The following FGF20 variants were observed in gnomAD, a reference collection of about 807,000 sequenced individuals.
FGF20 encodes fibroblast growth factor 20.
A neutral mutation model predicts 16.7 loss-of-function variants in FGF20; 8 were observed. That is an observed-to-expected ratio of 0.48 (90% CI 0.28 to 0.87). The LOEUF (loss-of-function observed/expected upper bound fraction) is 0.87, where lower values mean the gene tolerates loss of function less well. FGF20 is among the 40% of genes least tolerant of loss of function. The pLI is 0.10. For missense variants in FGF20, 397 were observed against 281.4 expected (o/e 1.41, Z -2.94); for synonymous variants, 161 against 118.6 (o/e 1.36, Z -2.32).
In FGF20 at chr8:17,001,879, G is replaced by T; in HGVS notation, c.154C>A (p.Pro52Thr). Residue 52 changes from proline to threonine, a missense_variant, in exon 1 of 3, where the codon CCG becomes ACG. Pro to Thr is a conservative substitution (Grantham distance 38, BLOSUM62 -1). Transcript: ENST00000180166. ...SAAERSARGG[P>T]GAAQLAHLHG... is the part of the protein sequence containing the mutation. ...AGGTGCGCCAGCTGCGCAGCCCCCG[G>T]CCCGCCGCGCGCGCTCCGCTCCGCC... is the stretch of plus-strand genomic sequence containing the variant. 1 of 1,435,616 alleles carries T rather than the reference G, an allele frequency of 7.0e-7. No individual in the cohort carries two copies. Among genetic ancestry groups the T allele is most frequent in the Non-Finnish European group, 9.1e-7 (1 of 1,099,754 alleles). The allele number at this position is 1,435,616 out of a possible 1,614,324, so 88.9% of individuals were successfully genotyped here. A position where few individuals can be genotyped will look rare whatever the true frequency, so the allele number is the denominator to read the frequency against.
chr8:16,995,894 T>C (rs76678463), intron 1 of FGF20, 136 bp from the exon 2 acceptor site: 12 of 521,532 alleles, frequency 2.3e-5, no homozygotes, highest in African/African-American at 2.1e-4. Context: ...AAAAGTCCTT[T>C]GTACACTGGA....
intron 1 of FGF20, among the ~76,000 whole-genome samples, chr8:16,998,901 T>C (rs1472848436): frequency 1.3e-5 from 2 of 151,982 alleles, no homozygotes; most frequent in Admixed American, 1.3e-4. Flanking sequence ...AAAAAAAAGT[T>C]ATTTCCTTTA....
intron 2 of FGF20, among the ~76,000 whole-genome samples, chr8:16,993,824 C>G (rs1395750663): frequency 6.6e-6 from 1 of 152,188 alleles, no homozygotes; most frequent in African/African-American, 2.4e-5. Context: ...ACCCAGATCC[C>G]TCGCATGCAC....
intron 1 of FGF20, among the ~76,000 whole-genome samples, chr8:16,997,584 A>G (rs1313923920): frequency 1.3e-5 from 2 of 152,220 alleles, no homozygotes; most frequent in Non-Finnish European, 2.9e-5. Flanking sequence ...GAGATCATGT[A>G]GAACACTAGA....
chr8:16,993,388 T>A, intron 2 of FGF20, 71 bp from the exon 3 acceptor site: 1 of 1,403,920 alleles, frequency 7.1e-7, no homozygotes, highest in Non-Finnish European at 9.6e-7. Flanking sequence ...AAGTTTCAAC[T>A]CTATATTTTC....
chr8:17,000,818 C>T (rs1341796434), intron 1 of FGF20, among the ~76,000 whole-genome samples: 1 of 151,974 alleles, frequency 6.6e-6, no homozygotes, highest in Non-Finnish European at 1.5e-5. Flanking sequence ...ACTGCCTTAA[C>T]AATCATTCTC....
intron 1 of FGF20, among the ~76,000 whole-genome samples, chr8:16,999,597 A>C (rs939596880): frequency 7.3e-6 from 1 of 136,450 alleles, no homozygotes; most frequent in South Asian, 2.3e-4. Flanking sequence ...ATCTTGGCTC[A>C]CTGCAACCTG....
rs1809947617 is a variant in FGF20, at chr8:16,992,904, CA to C, written c.*167del. 1 of 737,224 alleles carries C rather than the reference CA, an allele frequency of 1.4e-6. No individual in the cohort carries two copies. The highest frequency in any genetic ancestry group is 2.2e-6 in the Non-Finnish European group (1 of 463,690). The allele number at this position is 737,224 out of a possible 1,614,324, so 45.7% of individuals were successfully genotyped here. A position where few individuals can be genotyped will look rare whatever the true frequency, so the allele number is the denominator to read the frequency against. On this transcript the variant is annotated 3_prime_UTR_variant, in exon 3 of 3. Transcript: ENST00000180166. ...AGAGTGATCATGATCTATTTCTAGT[CA>C]AAATTTTTTTTGGTTTTTTTTCTCA...
At chr8:16,997,059 A>G (rs1810069577) in intron 1 of FGF20, among the ~76,000 whole-genome samples, 1 of 152,222 alleles carries the variant, frequency 6.6e-6, no homozygotes, top group Non-Finnish European at 1.5e-5. Flanking sequence ...TTAGCATGCA[A>G]GTAGATTTAC....
intron 1 of FGF20, among the ~76,000 whole-genome samples, chr8:16,998,899 G>C (rs963602920): frequency 8.8e-5 from 13 of 147,326 alleles, no homozygotes; most frequent in African/African-American, 3.2e-4. Flanking sequence ...AAAAAAAAAA[G>C]TTATTTCCTT....
chr8:16,993,830 T>C (rs1362006620), intron 2 of FGF20, among the ~76,000 whole-genome samples: 1 of 152,184 alleles, frequency 6.6e-6, no homozygotes, highest in Non-Finnish European at 1.5e-5. Context: ...ATCCCTCGCA[T>C]GCACAGTTCA....
At chr8:16,993,395 T>C (rs1268896206) in intron 2 of FGF20, 78 bp from the exon 3 acceptor site, 12 of 1,362,124 alleles carry the variant, frequency 8.8e-6, no homozygotes, top group Non-Finnish European at 1.2e-5. Context: ...AACTCTATAT[T>C]TTCATTTCTT....
intron 1 of FGF20, among the ~76,000 whole-genome samples, chr8:17,000,788 G>T (rs1420106062): frequency 6.6e-6 from 1 of 151,818 alleles, no homozygotes; most frequent in East Asian, 1.9e-4. Flanking sequence ...AGACCCTCCC[G>T]ATCTAGTATC....
intron 1 of FGF20, among the ~76,000 whole-genome samples, chr8:16,997,862 T>C (rs1174162306): frequency 6.6e-6 from 1 of 152,194 alleles, no homozygotes; most frequent in Non-Finnish European, 1.5e-5. Flanking sequence ...TAATGTAACT[T>C]CATTCAGGCT....
Position 17,001,790 on chromosome 8 carries a change from G to T in FGF20, c.243C>A (p.Pro81=). 1.3e-6 allele frequency: 2 copies of T among 1,571,212 alleles called. No individual in the cohort carries two copies. Among genetic ancestry groups the T allele is most frequent in the East Asian group, 2.5e-5 (1 of 39,394 alleles). The change falls in exon 1 of 3, where the codon CCC becomes CCA. Residue 81 remains proline, a synonymous_variant. Coordinates refer to ENST00000180166, the MANE Select transcript of FGF20 (RefSeq NM_019851.3). ...GCCGGGTGCCCTGCACGCTGCCGTC[G>T]GGCAGGATCTGCAGGTGGAAGCCGG... ...CRTGFHLQIL[P]DGSVQGTRQD...
intron 1 of FGF20, among the ~76,000 whole-genome samples, chr8:16,999,158 G>A (rs1237052662): frequency 6.6e-6 from 1 of 152,112 alleles, no homozygotes; most frequent in Non-Finnish European, 1.5e-5. Flanking sequence ...TCACAAGGCG[G>A]CCATTCACTC....
chr8:16,997,619 A>G (rs1396567442), intron 1 of FGF20, among the ~76,000 whole-genome samples: 1 of 152,216 alleles, frequency 6.6e-6, no homozygotes, highest in African/African-American at 2.4e-5. Context: ...TACAGCAACA[A>G]TACACTGCTA....
intron 1 of FGF20, among the ~76,000 whole-genome samples, chr8:16,996,323 G>T (rs985235492): frequency 6.6e-6 from 1 of 152,112 alleles, no homozygotes; most frequent in Non-Finnish European, 1.5e-5. Flanking sequence ...TAATGTGAAA[G>T]GTGTGAAACC....
intron 1 of FGF20, among the ~76,000 whole-genome samples, chr8:16,997,479 T>C (rs1387354724): frequency 6.6e-6 from 1 of 152,242 alleles, no homozygotes; most frequent in Non-Finnish European, 1.5e-5. Flanking sequence ...GACTATTTGC[T>C]GATATGCTGG....
Sources: gnomAD v4.1 joint callset for allele counts (sites outside exome capture counted in the v4.1 genomes callset) on GRCh38, gnomAD v4.1.1 for gene constraint, MANE v1.5 for transcripts, NCBI Gene and HGNC (gene_info 2026-07-23, HGNC 2026-07-21) for gene names.